The following NBEA variants were observed in gnomAD, a reference collection of about 807,000 sequenced individuals.
NBEA encodes lysosomal-trafficking regulator 2.
A neutral mutation model predicts 343.4 loss-of-function variants in NBEA; 44 were observed. The observed-to-expected ratio is 0.13, with a 90% CI of 0.10 to 0.16. The LOEUF is 0.16. Ranked by LOEUF, NBEA falls within the 10% of genes least tolerant of loss-of-function variation. NBEA has a pLI of 1.00. For synonymous variants in NBEA, 1,175 were observed against 1,238.7 expected (o/e 0.95, Z 1.08); for missense variants, 2,555 against 3,631.3 (o/e 0.70, Z 7.62).
intron 1 of NBEA, among the ~76,000 whole-genome samples, chr13:35,028,677 G>A (rs904312713): frequency 6.6e-6 from 1 of 151,672 alleles, no homozygotes; most frequent in Non-Finnish European, 1.5e-5. Context: ...CCAGTACTGT[G>A]TTGAATAGCA....
At chr13:35,174,544 A>G (rs2070727462) in intron 27 of NBEA, among the ~76,000 whole-genome samples, 1 of 152,156 alleles carries the variant, frequency 6.6e-6, no homozygotes, top group Non-Finnish European at 1.5e-5. Flanking sequence ...CAGACTGACC[A>G]CATATTTATC....
Position 35,062,229 on chromosome 13 carries a change from C to T in NBEA, c.1239+3366C>T, listed in dbSNP as rs143056982. Among the ~76,000 whole-genome samples, 582 of 151,376 alleles carry T rather than the reference C, an allele frequency of 3.8e-3. 3 individuals carry two copies. The highest frequency in any genetic ancestry group is 0.013 in the African/African-American group (556 of 41,384). ...GCAATTCTAGAACTGAAAAATATATCGGAATTAAAAATAAGCTGTATGGGC... is the reference window on the plus strand; with the variant it reads ...GCAATTCTAGAACTGAAAAATATATTGGAATTAAAAATAAGCTGTATGGGC... On this transcript the variant is annotated intron_variant, in intron 8 of 58. Coordinates refer to ENST00000379939, the MANE Select transcript of NBEA (RefSeq NM_001385012.1).
chr13:35,204,406 G>A (rs908236037), intron 31 of NBEA, among the ~76,000 whole-genome samples: 1 of 152,128 alleles, frequency 6.6e-6, no homozygotes, highest in African/African-American at 2.4e-5. Context: ...TATGGTGGTA[G>A]CAAGAGAAAA....
chr13:35,670,165 A>T (rs1474573723), intron 58 of NBEA, among the ~76,000 whole-genome samples: 1 of 152,210 alleles, frequency 6.6e-6, no homozygotes, highest in East Asian at 1.9e-4. Context: ...GTGAAGCAAC[A>T]CTTTATGTAG....
At chr13:35,507,310 T>G (rs1057476795) in intron 41 of NBEA, among the ~76,000 whole-genome samples, 5 of 151,332 alleles carry the variant, frequency 3.3e-5, no homozygotes, top group Non-Finnish European at 5.9e-5. Flanking sequence ...TTCTTGGACC[T>G]TTTTTTTTCT....
At chr13:34,992,492 C>A (rs139622663) in intron 1 of NBEA, among the ~76,000 whole-genome samples, 5 of 151,256 alleles carry the variant, frequency 3.3e-5, no homozygotes, top group South Asian at 2.1e-4. Context: ...CTGACCACCA[C>A]GCCCGGCCAA....
chr13:35,450,330 TA>T (rs979645444), intron 39 of NBEA, among the ~76,000 whole-genome samples: 4 of 148,640 alleles, frequency 2.7e-5, no homozygotes, highest in Non-Finnish European at 6.0e-5. Context: ...AAAATAACAA[TA>T]AAAAAAATAG....
intron 10 of NBEA, among the ~76,000 whole-genome samples, chr13:35,082,656 C>T (rs984744361): frequency 2.6e-5 from 4 of 152,162 alleles, no homozygotes; most frequent in African/African-American, 9.7e-5. Context: ...ATTTGCATTT[C>T]TCTGATGGCC....
chr13:35,600,946 G>T (rs145030297), intron 47 of NBEA, among the ~76,000 whole-genome samples: 183 of 152,268 alleles, frequency 1.2e-3, no homozygotes, highest in African/African-American at 4.1e-3. Context: ...AAAGGCAGAG[G>T]TGGACAGATC....
chr13:35,215,329 T>C (rs1257166723), intron 33 of NBEA, among the ~76,000 whole-genome samples: 1 of 151,712 alleles, frequency 6.6e-6, no homozygotes, highest in African/African-American at 2.4e-5. Context: ...GTTTTCATTG[T>C]AAAACTCTTG....
intron 36 of NBEA, among the ~76,000 whole-genome samples, chr13:35,344,673 C>T (rs555557698): frequency 6.6e-6 from 1 of 152,042 alleles, no homozygotes; most frequent in South Asian, 2.1e-4. Context: ...TGAGCAATGT[C>T]CTAGAAAATA....
chr13:35,538,693 C>T lies in NBEA; in HGVS notation c.6586-11784C>T, dbSNP rs9530689. 6.0e-3 allele frequency among the ~76,000 whole-genome samples: 912 copies of T among 152,304 alleles called. 3 individuals are homozygous for T. Among genetic ancestry groups the T allele is most frequent in the Non-Finnish European group, 8.6e-3 (585 of 68,006 alleles). On this transcript the variant is annotated intron_variant, in intron 41 of 58. Coordinates refer to ENST00000379939, the MANE Select transcript of NBEA (RefSeq NM_001385012.1). ...CCGTGAGGACACTGAATAAACAGTG[C>T]GTCACATACCTGCGTTATGACTGTG... is the stretch of plus-strand genomic sequence containing the variant.
intron 1 of NBEA, among the ~76,000 whole-genome samples, chr13:34,944,416 T>G (rs1056854212): frequency 3.1e-4 from 47 of 152,244 alleles, no homozygotes; most frequent in Admixed American, 5.9e-4. Flanking sequence ...TGAAGCTGTT[T>G]TTTTCCTTTT....
At chr13:35,193,989 A>T (rs1346195677) in intron 30 of NBEA, among the ~76,000 whole-genome samples, 1 of 151,944 alleles carries the variant, frequency 6.6e-6, no homozygotes, top group Non-Finnish European at 1.5e-5. Flanking sequence ...TAATGTATAG[A>T]TTTGATATAA....
intron 49 of NBEA, among the ~76,000 whole-genome samples, chr13:35,641,990 T>C (rs1175867076): frequency 6.6e-6 from 1 of 152,218 alleles, no homozygotes; most frequent in African/African-American, 2.4e-5. Flanking sequence ...CAGTGATTTC[T>C]TAATAACATT....
intron 38 of NBEA, among the ~76,000 whole-genome samples, chr13:35,391,148 AC>A (rs749719646): frequency 4.6e-5 from 7 of 151,756 alleles, no homozygotes; most frequent in Non-Finnish European, 8.8e-5. Flanking sequence ...GATGGCACGC[AC>A]CTGTGATCCC....
chr13:35,110,435 G>T (rs1003857639), intron 12 of NBEA, among the ~76,000 whole-genome samples: 7 of 152,164 alleles, frequency 4.6e-5, no homozygotes, highest in African/African-American at 1.7e-4. Flanking sequence ...TTAGCTGACT[G>T]ATGTTCTATT....
chr13:35,017,806 G>GT (rs1375223345), intron 1 of NBEA, among the ~76,000 whole-genome samples: 2 of 151,906 alleles, frequency 1.3e-5, no homozygotes, highest in East Asian at 1.9e-4. Flanking sequence ...ATTTATTGAT[G>GT]TTTTTTCTTG....
chr13:35,285,525 A>G (rs1157172199), intron 34 of NBEA, among the ~76,000 whole-genome samples: 1 of 152,004 alleles, frequency 6.6e-6, no homozygotes, highest in Non-Finnish European at 1.5e-5. Flanking sequence ...TTGCTTCTTA[A>G]TTTGCTTTCC....
Sources: gnomAD v4.1 joint callset for allele counts (sites outside exome capture counted in the v4.1 genomes callset) on GRCh38, gnomAD v4.1.1 for gene constraint, MANE v1.5 for transcripts, NCBI Gene and HGNC (gene_info 2026-07-23, HGNC 2026-07-21) for gene names.